The following TXLNG variants were observed in gnomAD, a reference collection of about 807,000 sequenced individuals.
The protein encoded by TXLNG is taxilin gamma.
TXLNG carries 5 observed loss-of-function variants against 38.8 expected under a neutral mutation model. The ratio of observed to expected loss-of-function variants is 0.13; its 90% CI spans 0.07 to 0.27. The LOEUF is 0.27. TXLNG is among the 10% of genes least tolerant of loss of function. The pLI, the probability that TXLNG is intolerant of heterozygous loss-of-function variation, is 1.00. For missense variants in TXLNG, 393 were observed against 398.2 expected (o/e 0.99, Z 0.11); for synonymous variants, 182 against 158.2 (o/e 1.15, Z -1.13).
chrX:16,822,803 G>A (rs1172030286), intron 3 of TXLNG, among the ~76,000 whole-genome samples: 1 of 111,922 alleles, frequency 8.9e-6, no homozygotes, highest in African/African-American at 3.3e-5. Context: ...GACTCACACC[G>A]ATCATTGAAC....
intron 9 of TXLNG, 79 bp from the exon 10 acceptor site, chrX:16,841,349 A>T: frequency 4.3e-6 from 4 of 919,805 alleles, no homozygotes; most frequent in South Asian, 4.9e-5. Context: ...GAAGTGTCCA[A>T]TATGGCTGAG....
chrX:16,814,073 G>A (rs1201089682), intron 1 of TXLNG, among the ~76,000 whole-genome samples: 4 of 110,853 alleles, frequency 3.6e-5, no homozygotes, highest in Non-Finnish European at 7.6e-5. Context: ...GCGACAGAGC[G>A]AGACTCCATC....
chrX:16,811,611 G>A (rs1387911812), intron 1 of TXLNG, among the ~76,000 whole-genome samples: 13 of 106,854 alleles, frequency 1.2e-4, no homozygotes, highest in African/African-American at 4.5e-4. Flanking sequence ...GCCTCCCAAA[G>A]TGCTGGGATT....
At chrX:16,818,482 C>CT in intron 1 of TXLNG, 92 bp from the exon 2 acceptor site, 1 of 1,031,466 alleles carries the variant, frequency 9.7e-7, no homozygotes, top group Non-Finnish European at 1.3e-6. Flanking sequence ...GAAGAAAAAA[C>CT]TATCAGGCTA....
In TXLNG at chrX:16,841,839, T is replaced by A; in HGVS notation, c.*73T>A. On this transcript the variant is annotated 3_prime_UTR_variant, in exon 10 of 10. Transcript: ENST00000380122. ...TCTCTGTTAGTAGTTAACTATTGGT[T>A]TTGTGGTGAAAATTTTCTTACTTTT... 9.3e-7 allele frequency: 1 copy of A among 1,072,044 alleles called. No individual in the cohort carries two copies. The highest frequency in any genetic ancestry group is 1.3e-6 in the Non-Finnish European group (1 of 798,590). 88.3% of individuals were successfully genotyped at this position (1,072,044 alleles called of 1,213,427 possible). A position where few individuals can be genotyped will look rare whatever the true frequency, so the allele number is the denominator to read the frequency against.
At chrX:16,840,733 C>T (rs1327768791) in intron 9 of TXLNG, among the ~76,000 whole-genome samples, 4 of 111,224 alleles carry the variant, frequency 3.6e-5, no homozygotes, top group South Asian at 3.8e-4. Context: ...GATTGCACCA[C>T]TGCACTCCAG....
intron 7 of TXLNG, among the ~76,000 whole-genome samples, chrX:16,837,334 A>G (rs1929630807): frequency 8.9e-6 from 1 of 112,051 alleles, no homozygotes; most frequent in South Asian, 3.8e-4. Context: ...TGACGTTTAT[A>G]GTCACCACAT....
rs192628307 is a variant in TXLNG, at chrX:16,840,113, G to A, written c.1248+197G>A. 88 of 336,795 alleles carry A rather than the reference G, an allele frequency of 2.6e-4. No individual in the cohort carries two copies. In the East Asian group the frequency reaches 3.9e-3, roughly 15 times the overall value. 27.8% of individuals were successfully genotyped at this position (336,795 alleles called of 1,213,427 possible). A position where few individuals can be genotyped will look rare whatever the true frequency, so the allele number is the denominator to read the frequency against. ...TTCCTGGCAGTTAGGTTAGGGACAG[G>A]GCCCTGAGTGAGGGGCTGAGCTTCC... On this transcript the variant is annotated intron_variant, in intron 9 of 9. Coordinates refer to ENST00000380122, the MANE Select transcript of TXLNG (RefSeq NM_018360.3).
At chrX:16,813,853 GAGGTGGTCGGATC>G (rs1291859209) in intron 1 of TXLNG, among the ~76,000 whole-genome samples, 1 of 111,092 alleles carries the variant, frequency 9.0e-6, no homozygotes, top group Non-Finnish European at 1.9e-5. Context: ...TTGGGAGGCC[GAGGTGGTCGGATC>G]ATAAGGTCAG....
intron 7 of TXLNG, among the ~76,000 whole-genome samples, chrX:16,835,528 G>A (rs1929558292): frequency 9.0e-6 from 1 of 111,627 alleles, no homozygotes; most frequent in Non-Finnish European, 1.9e-5. Context: ...GAGAAGGTAC[G>A]AAGTCTCCAG....
intron 1 of TXLNG, among the ~76,000 whole-genome samples, chrX:16,810,543 A>C (rs1928474781): frequency 8.9e-6 from 1 of 112,181 alleles, no homozygotes. Context: ...CTTATTAATA[A>C]ACAAAAAGAT....
chrX:16,795,881 C>T (rs377490434), intron 1 of TXLNG, among the ~76,000 whole-genome samples: 2 of 106,221 alleles, frequency 1.9e-5, no homozygotes, highest in Non-Finnish European at 3.9e-5. Flanking sequence ...GGTGCGATCT[C>T]GGCTCACTGC....
intron 3 of TXLNG, among the ~76,000 whole-genome samples, chrX:16,822,619 G>A (rs1322905212): frequency 9.0e-6 from 1 of 111,370 alleles, no homozygotes; most frequent in East Asian, 2.8e-4. Flanking sequence ...AAGAAATGGC[G>A]GAAAAAGAAG....
At chrX:16,827,286 G>A (rs915167779) in intron 3 of TXLNG, among the ~76,000 whole-genome samples, 4 of 111,727 alleles carry the variant, frequency 3.6e-5, no homozygotes, top group African/African-American at 9.8e-5. Flanking sequence ...GGATTTCAGC[G>A]GGTTTTTTGC....
chrX:16,826,519 GTTC>G (rs1156913154), intron 3 of TXLNG, among the ~76,000 whole-genome samples: 2 of 111,826 alleles, frequency 1.8e-5, no homozygotes, highest in African/African-American at 3.3e-5. Flanking sequence ...AACTGCAGCA[GTTC>G]TTCTTACAAA....
At chrX:16,800,844 A>G (rs1053159580) in intron 1 of TXLNG, among the ~76,000 whole-genome samples, 16 of 111,662 alleles carry the variant, frequency 1.4e-4, no homozygotes, top group African/African-American at 3.6e-4. Context: ...TCCAAATCTC[A>G]TGTTATATTG....
intron 7 of TXLNG, among the ~76,000 whole-genome samples, chrX:16,835,868 A>G (rs1374670822): frequency 8.9e-6 from 1 of 112,464 alleles, no homozygotes; most frequent in Non-Finnish European, 1.9e-5. Flanking sequence ...TAATCTAGCC[A>G]TGGAGGTCCA....
Position 16,786,562 on chromosome X carries a change from C to G in TXLNG, c.75C>G (p.Gly25=). 1 of 1,076,518 alleles carries G rather than the reference C, an allele frequency of 9.3e-7. No homozygotes were observed. Among genetic ancestry groups the G allele is most frequent in the South Asian group, 2.4e-5 (1 of 42,221 alleles). 88.7% of individuals were successfully genotyped at this position (1,076,518 alleles called of 1,213,427 possible). Residue 25 remains glycine, a synonymous_variant, in exon 1 of 10, where the codon GGC becomes GGG. Coordinates refer to ENST00000380122, the MANE Select transcript of TXLNG (RefSeq NM_018360.3). The part of the protein sequence containing the change: ...GAEEATEAGR[G]GRRRSPRQKF... ...AAGAGGCGACTGAGGCCGGACGGGG[C>G]GGACGGCGACGCAGCCCGCGGCAGA... is the stretch of plus-strand genomic sequence containing the variant.
chrX:16,811,689 T>G (rs1356932323), intron 1 of TXLNG, among the ~76,000 whole-genome samples: 4 of 102,448 alleles, frequency 3.9e-5, no homozygotes, highest in Admixed American at 1.1e-4. Context: ...CAGGCTGGAG[T>G]GCAGTGACCC....
Sources: gnomAD v4.1 joint callset for allele counts (sites outside exome capture counted in the v4.1 genomes callset) on GRCh38, gnomAD v4.1.1 for gene constraint, MANE v1.5 for transcripts, NCBI Gene and HGNC (gene_info 2026-07-23, HGNC 2026-07-21) for gene names.